Variants in APCDD1L observed in about 807,000 individuals in gnomAD.
The protein encoded by APCDD1L is protein APCDD1-like.
Under a neutral mutation model 24.2 loss-of-function variants are expected in APCDD1L, and 21 were observed. The ratio of observed to expected loss-of-function variants is 0.87; its 90% confidence interval spans 0.61 to 1.25. The LOEUF is 1.25. APCDD1L is among the 50% of genes most tolerant of loss of function. The pLI, the probability that APCDD1L is intolerant of heterozygous loss-of-function variation, is 0.00. For missense variants in APCDD1L, 704 were observed against 711.7 expected (o/e 0.99, Z 0.12); for synonymous variants, 321 against 323.6 (o/e 0.99, Z 0.09).
chr20:58,514,748 G>T lies in APCDD1L; in HGVS notation c.-41C>A. 7.8e-7 allele frequency: 1 copy of T among 1,277,592 alleles called. No homozygotes were observed. The highest frequency in any genetic ancestry group is 1.0e-6 in the Non-Finnish European group (1 of 1,004,688). The allele number at this position is 1,277,592 out of a possible 1,614,324, so 79.1% of individuals were successfully genotyped here. A position where few individuals can be genotyped will look rare whatever the true frequency, so the allele number is the denominator to read the frequency against. ...AGGACCGCCCGCCGGGCGCTGCCACGGTGCGCAAGGGGAGGCGCGGGCGCA... is the reference window on the plus strand; with the variant it reads ...AGGACCGCCCGCCGGGCGCTGCCACTGTGCGCAAGGGGAGGCGCGGGCGCA... On this transcript the variant is annotated 5_prime_UTR_variant, in exon 1 of 4. Transcript: ENST00000371149.
chr20:58,501,712 C>T (rs1241084275), intron 1 of APCDD1L, among the ~76,000 whole-genome samples: 2 of 152,212 alleles, frequency 1.3e-5, no homozygotes, highest in Non-Finnish European at 2.9e-5. Flanking sequence ...CTCTCTCTAA[C>T]CCTACAGATA....
chr20:58,513,523 T>G (rs1990673777), intron 1 of APCDD1L, among the ~76,000 whole-genome samples: 1 of 152,148 alleles, frequency 6.6e-6, no homozygotes, highest in Non-Finnish European at 1.5e-5. Flanking sequence ...TTTAGAAATT[T>G]GGGGGCTGGG....
chr20:58,474,105 A>T (rs1425554156), intron 1 of APCDD1L, among the ~76,000 whole-genome samples: 1 of 152,192 alleles, frequency 6.6e-6, no homozygotes, highest in Admixed American at 6.5e-5. Context: ...GAGATCATCA[A>T]ATGGTGCCCA....
rs1568755031 is a variant in APCDD1L, at chr20:58,508,538, G to A, written c.49+6121C>T. ...ATTAGATGTTGGCATTGGTGGTGGG[G>A]GGAAGAGATGAGGACAATGGAGCAG... On this transcript the variant is annotated intron_variant, in intron 1 of 3. Transcript: ENST00000371149. The surrounding 1 kb of genome is among the most constrained non-coding windows in gnomAD (Gnocchi z 4.0). Among the ~76,000 whole-genome samples the A allele has an allele frequency of 6.6e-6, 1 of 152,326 alleles. No individual in the cohort carries two copies. Among genetic ancestry groups the A allele is most frequent in the East Asian group, 1.9e-4 (1 of 5,190 alleles).
At chr20:58,506,536 C>T (rs1990530758) in intron 1 of APCDD1L, among the ~76,000 whole-genome samples, 1 of 152,152 alleles carries the variant, frequency 6.6e-6, no homozygotes, top group Non-Finnish European at 1.5e-5. Flanking sequence ...CATCATTTTG[C>T]AAAGGAGGAA....
chr20:58,498,952 C>T (rs6026315), intron 1 of APCDD1L, among the ~76,000 whole-genome samples: 82 of 152,296 alleles, frequency 5.4e-4, no homozygotes, highest in African/African-American at 1.9e-3. Flanking sequence ...GCTGGTTCCC[C>T]CCTTGGCTGC....
At chr20:58,466,071 C>G (rs1286172834) in intron 3 of APCDD1L, among the ~76,000 whole-genome samples, 1 of 144,882 alleles carries the variant, frequency 6.9e-6, no homozygotes, top group Non-Finnish European at 1.5e-5. Flanking sequence ...AGCTATGTGC[C>G]AGGAGCCATT....
chr20:58,486,029 A>C (rs1990112321), intron 1 of APCDD1L, among the ~76,000 whole-genome samples: 1 of 152,234 alleles, frequency 6.6e-6, no homozygotes, highest in African/African-American at 2.4e-5. Flanking sequence ...TTCAATTCTA[A>C]GATTTTTCAC....
intron 3 of APCDD1L, among the ~76,000 whole-genome samples, chr20:58,465,315 A>G (rs1277928988): frequency 6.6e-6 from 1 of 151,908 alleles, no homozygotes; most frequent in African/African-American, 2.4e-5. Context: ...TCTGCTATCC[A>G]GATCCTCAGT....
intron 1 of APCDD1L, among the ~76,000 whole-genome samples, chr20:58,492,948 C>T (rs760947837): frequency 2.5e-4 from 37 of 150,678 alleles, no homozygotes; most frequent in Non-Finnish European, 3.2e-4. Context: ...ACACACAATG[C>T]AAGCATGCAT....
Position 58,467,463 on chromosome 20 carries a change from G to T in APCDD1L, c.384C>A (p.His128Gln). 2 of 1,595,384 alleles carry T rather than the reference G, an allele frequency of 1.3e-6. No homozygotes were observed. Among genetic ancestry groups the T allele is most frequent in the East Asian group, 2.3e-5 (1 of 43,524 alleles). ...GGAAGACGATGCCCACCTTGTGCAG[G>T]TGGTAGTCGGCCTCGGTGGCTCCCC... ...VTRGATEADY[H>Q]LHKVGIVFHS... Residue 128 changes from histidine to glutamine, a missense_variant, in exon 3 of 4, where the codon CAC becomes CAA. His to Gln is a conservative substitution (Grantham distance 24, BLOSUM62 0). Coordinates refer to ENST00000371149, the MANE Select transcript of APCDD1L (RefSeq NM_153360.3). This position sits in a 1 kb window ranked among gnomAD's most constrained non-coding sequence, Gnocchi z 5.9.
In APCDD1L at chr20:58,467,292, G is replaced by A; in HGVS notation, c.555C>T (p.Cys185=). The part of the protein sequence containing the change: ...ELRSARAQGD[C]LEALGLTMHE... ...GCATGGTGAGGCCCAGCGCCTCCAG[G>A]CAGTCCCCCTGAGCCCGGGCGCTCC... Residue 185 remains cysteine, a synonymous_variant, in exon 3 of 4, where the codon TGC becomes TGT. Transcript: ENST00000371149. The surrounding 1 kb of genome is among the most constrained non-coding windows in gnomAD (Gnocchi z 5.9). 1.3e-6 allele frequency: 2 copies of A among 1,547,432 alleles called. No homozygotes were observed. The highest frequency in any genetic ancestry group is 1.7e-6 in the Non-Finnish European group (2 of 1,153,474).
rs1600837412 is a variant in APCDD1L at position 58,460,144 on chromosome 20, A to G, written c.*646T>C. 1 of 152,388 alleles carries G rather than the reference A, an allele frequency of 6.6e-6. No individual in the cohort carries two copies. Among genetic ancestry groups the G allele is most frequent in the Non-Finnish European group, 1.5e-5 (1 of 68,068 alleles). 9.4% of individuals were successfully genotyped at this position (152,388 alleles called of 1,614,324 possible). Reference sequence around the variant, plus strand: ...TGGCAGCTTGAGGTCCGACTCGCAGAAGCACAGGCAAATGCAGACGAATGC... The same window carrying G: ...TGGCAGCTTGAGGTCCGACTCGCAGGAGCACAGGCAAATGCAGACGAATGC... On this transcript the variant is annotated 3_prime_UTR_variant, in exon 4 of 4. Transcript: ENST00000371149. This position sits in a 1 kb window ranked among gnomAD's most constrained non-coding sequence, Gnocchi z 4.2.
At chr20:58,482,691 C>T (rs1439610323) in intron 1 of APCDD1L, among the ~76,000 whole-genome samples, 1 of 152,178 alleles carries the variant, frequency 6.6e-6, no homozygotes, top group African/African-American at 2.4e-5. Flanking sequence ...CATGGATCTG[C>T]TCGACCCTTA....
chr20:58,513,010 C>T (rs184124018), intron 1 of APCDD1L, among the ~76,000 whole-genome samples: 142 of 151,412 alleles, frequency 9.4e-4, no homozygotes, highest in African/African-American at 2.8e-3. Context: ...GAGCCAGCCA[C>T]GGCTCTACAC....
In APCDD1L at chr20:58,514,799, G is replaced by C. The variant is rs951954828; in HGVS notation, c.-92C>G. ...GGGCTCTCGGACGGCTGCGGGCGCCGGCGGCCAGGCTGGAGTCCTGCGAAG... is the reference window on the plus strand; with the variant it reads ...GGGCTCTCGGACGGCTGCGGGCGCCCGCGGCCAGGCTGGAGTCCTGCGAAG... On this transcript the variant is annotated 5_prime_UTR_variant, in exon 1 of 4. Coordinates refer to ENST00000371149, the MANE Select transcript of APCDD1L (RefSeq NM_153360.3). 1.8e-6 allele frequency: 2 copies of C among 1,089,580 alleles called. No homozygotes were observed. The highest frequency in any genetic ancestry group is 1.6e-5 in the African/African-American group (1 of 61,204). The allele number at this position is 1,089,580 out of a possible 1,614,324, so 67.5% of individuals were successfully genotyped here.
At chr20:58,463,983 C>T (rs1989664790) in intron 3 of APCDD1L, among the ~76,000 whole-genome samples, 1 of 149,558 alleles carries the variant, frequency 6.7e-6, no homozygotes, top group Non-Finnish European at 1.5e-5. Context: ...ATATCGGAGA[C>T]CATATTGGCT....
Position 58,497,015 on chromosome 20 carries a change from A to G in APCDD1L, c.49+17644T>C, listed in dbSNP as rs1990335713. On this transcript the variant is annotated intron_variant, in intron 1 of 3. Transcript: ENST00000371149. The surrounding 1 kb of genome is among the most constrained non-coding windows in gnomAD (Gnocchi z 4.3). ...TCGCGATGCAAATTTGCATATGTAT[A>G]CTAGAAGGTCTGAACTTGCAGACAC... Among the ~76,000 whole-genome samples, 1 of 152,238 alleles carries G rather than the reference A, an allele frequency of 6.6e-6. No homozygotes were observed. Among genetic ancestry groups the G allele is most frequent in the Non-Finnish European group, 1.5e-5 (1 of 68,042 alleles).
intron 1 of APCDD1L, among the ~76,000 whole-genome samples, chr20:58,495,658 G>A (rs770745110): frequency 1.3e-4 from 20 of 152,166 alleles, no homozygotes; most frequent in South Asian, 4.1e-4. Context: ...CAGTGCCCTC[G>A]TCTGTCGCGG....
Sources: gnomAD v4.1 joint callset for allele counts (sites outside exome capture counted in the v4.1 genomes callset) on GRCh38, gnomAD v4.1.1 for gene constraint, Gnocchi (gnomAD v3.1) non-coding constraint, MANE v1.5 for transcripts, NCBI Gene and HGNC (gene_info 2026-07-23, HGNC 2026-07-21) for gene names.